COG3: variants seen among roughly 807,000 people sequenced by gnomAD.
COG3 encodes the protein component of oligomeric golgi complex 3, also known as conserved oligomeric Golgi complex subunit 3.
COG3 carries 32 observed loss-of-function variants against 114.1 expected under a neutral mutation model. The observed-to-expected ratio is 0.28, with a 90% CI of 0.21 to 0.38. COG3 has a LOEUF of 0.38. Ranked by LOEUF, COG3 falls within the 10% of genes least tolerant of loss-of-function variation. COG3 has a pLI of 1.00. For missense variants in COG3, 813 were observed against 973.2 expected (o/e 0.84, Z 2.19); for synonymous variants, 352 against 365.7 (o/e 0.96, Z 0.43).
intron 14 of COG3, 36 bp downstream of exon 14, chr13:45,503,385 A>T (rs1165989822): frequency 1.7e-6 from 2 of 1,148,610 alleles, no homozygotes; most frequent in East Asian, 4.7e-5. Flanking sequence ...GCATTTATTC[A>T]TTTGGGTTAA....
chr13:45,505,194 T>TA (rs376762252), intron 14 of COG3, among the ~76,000 whole-genome samples: 73 of 131,772 alleles, frequency 5.5e-4, no homozygotes, highest in African/African-American at 1.3e-3. Context: ...CTCAGAAAAA[T>TA]AAAAAAAAAA....
intron 1 of COG3, among the ~76,000 whole-genome samples, chr13:45,475,634 T>C (rs1191195486): frequency 2.0e-5 from 3 of 152,098 alleles, no homozygotes; most frequent in African/African-American, 7.2e-5. Context: ...AGTGAGAAAA[T>C]GTGTGTGGAT....
At chr13:45,532,620 A>G (rs1429364989) in intron 22 of COG3, among the ~76,000 whole-genome samples, 5 of 123,976 alleles carry the variant, frequency 4.0e-5, no homozygotes, top group Non-Finnish European at 6.2e-5. Flanking sequence ...CCCAGGCTGG[A>G]GTGCAGTGGC....
chr13:45,473,204 C>A (rs1885635318), intron 1 of COG3, among the ~76,000 whole-genome samples: 1 of 152,066 alleles, frequency 6.6e-6, no homozygotes, highest in Non-Finnish European at 1.5e-5. Flanking sequence ...CTCTTTTTTC[C>A]CATGATTTGC....
At position 45,494,939 on chromosome 13, in the gene COG3, G is replaced by A. The variant is rs1418565285; in HGVS notation, c.1328-1213G>A. On this transcript the variant is annotated intron_variant, in intron 12 of 22. Coordinates refer to ENST00000349995, the MANE Select transcript of COG3 (RefSeq NM_031431.4). ...CGGCTCACTGCAGCCTCTGCTTGCCGGGTTCAAGTGATTCTCCTGCCTCAG... is the reference window on the plus strand; with the variant it reads ...CGGCTCACTGCAGCCTCTGCTTGCCAGGTTCAAGTGATTCTCCTGCCTCAG... 5.5e-5 allele frequency among the ~76,000 whole-genome samples: 8 copies of A among 144,424 alleles called. No individual in the cohort carries two copies. In the East Asian group the frequency reaches 8.2e-4, roughly 15 times the overall value. The allele number at this position is 144,424 out of a possible 152,430, so 94.7% of individuals were successfully genotyped here. A position where few individuals can be genotyped will look rare whatever the true frequency, so the allele number is the denominator to read the frequency against.
chr13:45,483,209 A>AT, intron 6 of COG3, 21 bp from the exon 7 acceptor site: 1 of 1,565,002 alleles, frequency 6.4e-7, no homozygotes, highest in South Asian at 1.1e-5. Flanking sequence ...CACTTTGTAA[A>AT]TCTTTCTCTT....
chr13:45,518,690 C>A, intron 17 of COG3, 72 bp from the exon 18 acceptor site: 3 of 1,120,012 alleles, frequency 2.7e-6, no homozygotes, highest in Non-Finnish European at 2.6e-6. Context: ...TGGTAGAGAA[C>A]TGGTGTATGT....
chr13:45,466,070 C>T (rs1885118697), intron 1 of COG3, among the ~76,000 whole-genome samples: 1 of 152,214 alleles, frequency 6.6e-6, no homozygotes, highest in East Asian at 1.9e-4. Context: ...TTTTCTCTCG[C>T]TCTGTCGCCC....
At chr13:45,524,825 T>G in intron 19 of COG3, 151 bp from the exon 20 acceptor site, 1 of 509,346 alleles carries the variant, frequency 2.0e-6, no homozygotes, top group South Asian at 3.4e-5. Flanking sequence ...AATGCATTTT[T>G]TTTAGGGCTG....
intron 22 of COG3, among the ~76,000 whole-genome samples, chr13:45,533,114 G>A (rs1024585294): frequency 3.9e-5 from 6 of 152,020 alleles, no homozygotes; most frequent in East Asian, 1.9e-4. Context: ...AGTGCTTCAC[G>A]TTTCTGAGTG....
chr13:45,530,260 T>C (rs551100721), intron 21 of COG3, among the ~76,000 whole-genome samples: 1 of 152,280 alleles, frequency 6.6e-6, no homozygotes, highest in East Asian at 1.9e-4. Flanking sequence ...GTAGTAGAAA[T>C]AAATGGCTTG....
chr13:45,476,353 T>C lies in COG3; in HGVS notation c.321+6T>C, dbSNP rs760576020. 1 of 1,612,666 alleles carries C rather than the reference T, an allele frequency of 6.2e-7. No homozygotes were observed. Among genetic ancestry groups the C allele is most frequent in the East Asian group, 2.2e-5 (1 of 44,832 alleles). ...GAATTGAAACCGCACAGCAGGTGAATTGCAGTATCTTTTCTAAGGATGTTT... is the reference window on the plus strand; with the variant it reads ...GAATTGAAACCGCACAGCAGGTGAACTGCAGTATCTTTTCTAAGGATGTTT... On this transcript the variant is annotated splice_donor_region_variant and intron_variant, in intron 2 of 22. Coordinates refer to ENST00000349995, the MANE Select transcript of COG3 (RefSeq NM_031431.4).
Position 45,482,259 on chromosome 13 carries a change from TA to T in COG3, c.625-118del, listed in dbSNP as rs555733710. ...CATTCGAGGATATTTTGGTGACTTTTAAAATTTATTATAAAGACATGTTATG... is the reference window on the plus strand; with the variant it reads ...CATTCGAGGATATTTTGGTGACTTTTAAATTTATTATAAAGACATGTTATG... On this transcript the variant is annotated intron_variant, in intron 5 of 22. Coordinates refer to ENST00000349995, the MANE Select transcript of COG3 (RefSeq NM_031431.4). 2.5e-3 allele frequency: 1,299 copies of T among 519,116 alleles called. 10 individuals carry two copies. Among genetic ancestry groups the T allele is most frequent in the Middle Eastern group, 3.9e-3 (8 of 2,034 alleles). 32.2% of individuals were successfully genotyped at this position (519,116 alleles called of 1,614,324 possible).
chr13:45,510,526 T>C (rs1214357569), intron 15 of COG3, among the ~76,000 whole-genome samples: 1 of 152,188 alleles, frequency 6.6e-6, no homozygotes, highest in Admixed American at 6.5e-5. Flanking sequence ...ATTCAGCAAC[T>C]TCCTGCAGTG....
At chr13:45,505,122 G>T (rs1566260263) in intron 14 of COG3, among the ~76,000 whole-genome samples, 1 of 151,568 alleles carries the variant, frequency 6.6e-6, no homozygotes, top group South Asian at 2.1e-4. Flanking sequence ...AGGAGGTGGA[G>T]GTTGCCATGA....
At chr13:45,485,213 G>A (rs1886527984) in intron 7 of COG3, among the ~76,000 whole-genome samples, 2 of 134,788 alleles carry the variant, frequency 1.5e-5, no homozygotes, top group Non-Finnish European at 3.2e-5. Context: ...GGACGGGGCG[G>A]CTGGCCGGGC....
chr13:45,474,284 A>T (rs1441116001), intron 1 of COG3, among the ~76,000 whole-genome samples: 17 of 148,602 alleles, frequency 1.1e-4, no homozygotes, highest in Admixed American at 3.4e-4. Flanking sequence ...CAGCCTCCCA[A>T]CTAGCTGGGA....
At chr13:45,473,104 C>G (rs535806759) in intron 1 of COG3, among the ~76,000 whole-genome samples, 5 of 152,220 alleles carry the variant, frequency 3.3e-5, no homozygotes, top group African/African-American at 1.2e-4. Flanking sequence ...CTCCTGACCT[C>G]GTGATCCTCC....
In COG3 at chr13:45,506,187, G is replaced by C. The variant is rs574265613; in HGVS notation, c.1594+2838G>C. On this transcript the variant is annotated intron_variant, in intron 14 of 22. Coordinates refer to ENST00000349995, the MANE Select transcript of COG3 (RefSeq NM_031431.4). ...AGACTGATTTAGAAATAAAGGATGA[G>C]GTGTAGTTGGTGCTTTGGGCTTGTG... Among the ~76,000 whole-genome samples the C allele has an allele frequency of 1.6e-4, 25 of 152,332 alleles. No homozygotes were observed. The South Asian group carries it at 1.7e-3, about 10-fold the overall frequency.
Sources: gnomAD v4.1 joint callset for allele counts (sites outside exome capture counted in the v4.1 genomes callset) on GRCh38, gnomAD v4.1.1 for gene constraint, MANE v1.5 for transcripts, NCBI Gene and HGNC (gene_info 2026-07-23, HGNC 2026-07-21) for gene names.